The following C12orf42 variants were observed in gnomAD, a reference collection of about 807,000 sequenced individuals.
The protein encoded by C12orf42 is uncharacterized protein C12orf42.
A neutral mutation model predicts 21.6 loss-of-function variants in C12orf42; 25 were observed. The ratio of observed to expected loss-of-function variants is 1.16; its 90% confidence interval spans 0.84 to 1.62. The LOEUF is 1.62. Among genes scored for constraint, C12orf42 ranks in the 40% most tolerant of loss-of-function variants. C12orf42 has a pLI of 0.00. For missense variants in C12orf42, 483 were observed against 459.3 expected (o/e 1.05, Z -0.47); for synonymous variants, 174 against 175.0 (o/e 0.99, Z 0.05).
At chr12:103,459,541 A>G (rs1476300821) in intron 2 of C12orf42, among the ~76,000 whole-genome samples, 2 of 152,176 alleles carry the variant, frequency 1.3e-5, no homozygotes, top group Non-Finnish European at 2.9e-5. Flanking sequence ...AAGCTTCCTG[A>G]GGCCTTACCA....
At chr12:103,157,693 C>T in the C12orf42 span, among the ~76,000 whole-genome samples, 1 of 152,128 alleles carries the variant, frequency 6.6e-6, no homozygotes, top group Non-Finnish European at 1.5e-5. Context: ...ATATGGCTAG[C>T]CAGTTTTCCC....
intron 4 of C12orf42, among the ~76,000 whole-genome samples, chr12:103,334,255 T>C (rs1482873273): frequency 6.6e-6 from 1 of 152,068 alleles, no homozygotes; most frequent in Non-Finnish European, 1.5e-5. Flanking sequence ...GTATCCTGAG[T>C]TTAAACCAGC....
At chr12:103,116,202 T>C in the C12orf42 span, among the ~76,000 whole-genome samples, 1 of 151,628 alleles carries the variant, frequency 6.6e-6, no homozygotes, top group African/African-American at 2.4e-5. Flanking sequence ...TCGTCTCTAC[T>C]AAAAATACAA....
At chr12:103,476,181 A>C (rs1954035591) in intron 2 of C12orf42, among the ~76,000 whole-genome samples, 1 of 152,216 alleles carries the variant, frequency 6.6e-6, no homozygotes, top group Admixed American at 6.5e-5. Context: ...ATGTGGGGTA[A>C]AATCCCCACC....
chr12:103,280,139 A>G (rs912384458), intron 4 of C12orf42, among the ~76,000 whole-genome samples: 2 of 152,154 alleles, frequency 1.3e-5, no homozygotes, highest in African/African-American at 2.4e-5. Context: ...TTCTTACAAT[A>G]ACCTAAGAAG....
chr12:103,223,894 A>G, the C12orf42 span, among the ~76,000 whole-genome samples: 2 of 152,228 alleles, frequency 1.3e-5, no homozygotes, highest in African/African-American at 4.8e-5. Flanking sequence ...TGTTTTTAAA[A>G]GACCTTTAGT....
chr12:103,410,898 A>G (rs2048795831), intron 2 of C12orf42, among the ~76,000 whole-genome samples: 1 of 152,228 alleles, frequency 6.6e-6, no homozygotes, highest in African/African-American at 2.4e-5. Context: ...CAGCAACTGT[A>G]TAGAGTAGCT....
intron 2 of C12orf42, among the ~76,000 whole-genome samples, chr12:103,472,616 T>C (rs575517181): frequency 6.8e-4 from 103 of 152,210 alleles, no homozygotes; most frequent in Non-Finnish European, 1.2e-3. Flanking sequence ...TGGCAGAGCA[T>C]GAGAAAATTA....
the C12orf42 span, among the ~76,000 whole-genome samples, chr12:103,203,514 C>T: frequency 1.3e-5 from 2 of 152,228 alleles, no homozygotes; most frequent in South Asian, 4.1e-4. Flanking sequence ...AAAATGTCCA[C>T]TCTGGGTTAA....
At chr12:103,128,421 A>C in the C12orf42 span, among the ~76,000 whole-genome samples, 1 of 152,212 alleles carries the variant, frequency 6.6e-6, no homozygotes, top group Non-Finnish European at 1.5e-5. Flanking sequence ...CCGAAATGGC[A>C]CTGGCTTTGC....
the C12orf42 span, chr12:103,548,881 G>A: frequency 1.3e-5 from 2 of 152,038 alleles, no homozygotes; most frequent in Admixed American, 1.3e-4. Context: ...GGACTTCTGA[G>A]GATCCAAAAG....
At chr12:103,417,216 C>G (rs1211479332) in intron 2 of C12orf42, among the ~76,000 whole-genome samples, 1 of 152,148 alleles carries the variant, frequency 6.6e-6, no homozygotes, top group African/African-American at 2.4e-5. Flanking sequence ...AAATCCCCCC[C>G]ACTTAACTGT....
chr12:103,397,700 G>T (rs1032894626), intron 3 of C12orf42: 3 of 152,162 alleles, frequency 2.0e-5, no homozygotes, highest in African/African-American at 4.8e-5. Context: ...TCATACCTTG[G>T]TGGAAATTGT....
At chr12:103,526,551 T>TAG in the C12orf42 span, among the ~76,000 whole-genome samples, 5,467 of 152,234 alleles carry the variant, frequency 0.036, 347 homozygotes, top group African/African-American at 0.12. Context: ...AAGAAAGGCT[T>TAG]AGAGAGGTTA....
intron 2 of C12orf42, among the ~76,000 whole-genome samples, chr12:103,469,673 G>C (rs1953434043): frequency 6.6e-6 from 1 of 152,148 alleles, no homozygotes; most frequent in South Asian, 2.1e-4. Context: ...AGGTTTTTAA[G>C]ATAGATTCTC....
At chr12:103,226,678 G>A in the C12orf42 span, among the ~76,000 whole-genome samples, 3 of 152,140 alleles carry the variant, frequency 2.0e-5, no homozygotes, top group African/African-American at 4.8e-5. Context: ...AGATTATAGG[G>A]CGGAGGAGAA....
the C12orf42 span, among the ~76,000 whole-genome samples, chr12:103,183,764 C>T: frequency 6.6e-6 from 1 of 152,138 alleles, no homozygotes; most frequent in Non-Finnish European, 1.5e-5. Context: ...ATTTTATACA[C>T]TCGTTTTTAT....
the C12orf42 span, among the ~76,000 whole-genome samples, chr12:103,520,384 T>G: frequency 6.6e-6 from 1 of 152,104 alleles, no homozygotes; most frequent in Non-Finnish European, 1.5e-5. Flanking sequence ...GAATATCTAT[T>G]TTTTATTATT....
chr12:103,412,958 TTTAA>T (rs1445799922), intron 2 of C12orf42, among the ~76,000 whole-genome samples: 1 of 152,232 alleles, frequency 6.6e-6, no homozygotes, highest in African/African-American at 2.4e-5. Flanking sequence ...AGCTCTTTAG[TTTAA>T]TTAGGTCCCA....
Sources: gnomAD v4.1 joint callset for allele counts (sites outside exome capture counted in the v4.1 genomes callset) on GRCh38, gnomAD v4.1.1 for gene constraint, MANE v1.5 for transcripts, NCBI Gene and HGNC (gene_info 2026-07-23, HGNC 2026-07-21) for gene names.